Variants in DLG2 observed in about 807,000 individuals in gnomAD.
DLG2 encodes disks large homolog 2.
DLG2 carries 45 observed loss-of-function variants against 132.5 expected under a neutral mutation model. That is an observed-to-expected ratio of 0.34 (90% CI 0.27 to 0.44). The LOEUF is 0.44. Among genes scored for constraint, DLG2 ranks in the 20% least tolerant of loss-of-function variants. The pLI is 1.00. For missense variants in DLG2, 1,045 were observed against 1,196.9 expected, an observed-to-expected ratio of 0.87 and a Z score of 1.87; for synonymous variants, 424 against 419.6, an observed-to-expected ratio of 1.01 and a Z score of -0.13.
intron 3 of DLG2, among the ~76,000 whole-genome samples, chr11:85,412,751 A>ACT (rs1322427887): frequency 3.9e-5 from 5 of 127,216 alleles, no homozygotes; most frequent in Admixed American, 8.0e-5. Context: ...ACACACACAC[A>ACT]CACACACACA....
intron 21 of DLG2, 44 bp downstream of exon 21, chr11:83,532,664 A>T: frequency 6.4e-7 from 1 of 1,562,670 alleles, no homozygotes; most frequent in Non-Finnish European, 8.8e-7. Context: ...AGTTAAATCC[A>T]TGGCAACTGA....
At chr11:84,989,827 A>G (rs971932419) in intron 6 of DLG2, among the ~76,000 whole-genome samples, 1 of 152,190 alleles carries the variant, frequency 6.6e-6, no homozygotes, top group Non-Finnish European at 1.5e-5. Context: ...ACTTACATGA[A>G]TAAGTATAAT....
intron 6 of DLG2, among the ~76,000 whole-genome samples, chr11:84,593,193 G>T (rs2099548231): frequency 6.6e-6 from 1 of 151,870 alleles, no homozygotes; most frequent in South Asian, 2.1e-4. Flanking sequence ...TTACACTGTT[G>T]GTGGCAGTGT....
At chr11:85,230,562 A>G (rs1253522551) in intron 4 of DLG2, among the ~76,000 whole-genome samples, 1 of 151,630 alleles carries the variant, frequency 6.6e-6, no homozygotes, top group African/African-American at 2.4e-5. Flanking sequence ...TCATACTTGC[A>G]TTGTTTTACA....
At chr11:83,503,406 T>G (rs867896240) in intron 21 of DLG2, among the ~76,000 whole-genome samples, 25 of 36,276 alleles carry the variant, frequency 6.9e-4, no homozygotes, top group Non-Finnish European at 1.1e-3. Context: ...TATATATATA[T>G]ATATATATAT....
At chr11:83,503,366 CATTTAT>C (rs1565510211) in intron 21 of DLG2, among the ~76,000 whole-genome samples, 1 of 47,090 alleles carries the variant, frequency 2.1e-5, no homozygotes, top group East Asian at 7.7e-4. Flanking sequence ...CACACACACC[CATTTAT>C]ATATATATAT....
intron 3 of DLG2, among the ~76,000 whole-genome samples, chr11:85,542,736 T>C (rs2076053691): frequency 6.6e-6 from 1 of 152,206 alleles, no homozygotes; most frequent in African/African-American, 2.4e-5. Flanking sequence ...TGACATTTCA[T>C]AGGCAAAAAT....
In DLG2 at chr11:84,930,068, T is replaced by G. The variant is rs530523068; in HGVS notation, c.357+181593A>C. ...TTAAAAGACTGAAAGGACAATGGAA[T>G]GGACATATCTTAACCAATAAAGAAA... On this transcript the variant is annotated intron_variant, in intron 6 of 27. Coordinates refer to ENST00000376104, the MANE Select transcript of DLG2 (RefSeq NM_001142699.3). 1.6e-3 allele frequency among the ~76,000 whole-genome samples: 238 copies of G among 152,186 alleles called. 1 individual carries two copies. Among genetic ancestry groups the G allele is most frequent in the African/African-American group, 5.4e-3 (225 of 41,554 alleles).
At chr11:85,569,635 C>T (rs1042724184) in intron 3 of DLG2, among the ~76,000 whole-genome samples, 3 of 152,020 alleles carry the variant, frequency 2.0e-5, no homozygotes, top group Non-Finnish European at 4.4e-5. Flanking sequence ...TATCATTAAT[C>T]CTCAGAGAAA....
intron 6 of DLG2, among the ~76,000 whole-genome samples, chr11:84,778,946 A>T (rs1260558158): frequency 2.6e-5 from 4 of 151,778 alleles, no homozygotes; most frequent in African/African-American, 9.7e-5. Flanking sequence ...TGAACATCAG[A>T]CTCCAAGTTC....
chr11:83,641,899 G>GTGTGTGTA (rs1378121720), intron 18 of DLG2, among the ~76,000 whole-genome samples: 1 of 151,600 alleles, frequency 6.6e-6, no homozygotes, highest in African/African-American at 2.4e-5. Context: ...GTGTATGTGT[G>GTGTGTGTA]TTTGTGTGTG....
intron 9 of DLG2, among the ~76,000 whole-genome samples, chr11:84,122,399 G>A (rs2093969098): frequency 6.6e-6 from 1 of 152,140 alleles, no homozygotes; most frequent in Non-Finnish European, 1.5e-5. Context: ...CCTGGGGAGA[G>A]GACATGTCAA....
At chr11:85,074,958 C>T (rs2066330638) in intron 6 of DLG2, among the ~76,000 whole-genome samples, 1 of 151,864 alleles carries the variant, frequency 6.6e-6, no homozygotes, top group Admixed American at 6.6e-5. Context: ...TTGAGATTAC[C>T]ATGCTCTCCT....
At chr11:84,204,237 G>A (rs989555480) in intron 8 of DLG2, among the ~76,000 whole-genome samples, 7 of 152,176 alleles carry the variant, frequency 4.6e-5, no homozygotes, top group African/African-American at 9.7e-5. Context: ...GATTACAGGC[G>A]TAAGCCACCG....
At chr11:85,613,359 A>G (rs1438511195) in intron 2 of DLG2, among the ~76,000 whole-genome samples, 1 of 152,156 alleles carries the variant, frequency 6.6e-6, no homozygotes. Flanking sequence ...TCTGGAGGAC[A>G]CCACAACTGC....
chr11:85,509,213 G>C (rs1262944333), intron 3 of DLG2, among the ~76,000 whole-genome samples: 1 of 151,990 alleles, frequency 6.6e-6, no homozygotes, highest in Non-Finnish European at 1.5e-5. Flanking sequence ...GTCCTGAAAA[G>C]AAATAAATCT....
intron 6 of DLG2, among the ~76,000 whole-genome samples, chr11:85,011,725 G>C (rs988486342): frequency 6.6e-6 from 1 of 152,028 alleles, no homozygotes; most frequent in African/African-American, 2.4e-5. Context: ...TGCAGTTCAA[G>C]TTTATTTTAT....
At chr11:85,460,872 C>T (rs1470248314) in intron 3 of DLG2, among the ~76,000 whole-genome samples, 1 of 152,056 alleles carries the variant, frequency 6.6e-6, no homozygotes, top group Non-Finnish European at 1.5e-5. Context: ...TTATGTTTGT[C>T]GATGATGCTG....
chr11:85,132,838 C>T, intron 5 of DLG2: 1 of 456,694 alleles, frequency 2.2e-6, no homozygotes, highest in Non-Finnish European at 4.4e-6. Flanking sequence ...GAAATCACAC[C>T]AGCAAATCAG....
Sources: gnomAD v4.1 joint callset for allele counts (sites outside exome capture counted in the v4.1 genomes callset) on GRCh38, gnomAD v4.1.1 for gene constraint, MANE v1.5 for transcripts, NCBI Gene and HGNC (gene_info 2026-07-23, HGNC 2026-07-21) for gene names.